Variants in JOSD1 observed in about 807,000 individuals in gnomAD.
JOSD1 encodes Josephin domain containing 1.
In JOSD1, 11 loss-of-function variants were observed where a neutral mutation model predicts 24.3. The observed-to-expected ratio is 0.45, with a 90% CI of 0.29 to 0.75. The LOEUF is 0.75. Ranked by LOEUF, JOSD1 falls within the 30% of genes least tolerant of loss-of-function variation. The pLI is 0.11. For synonymous variants in JOSD1, 106 were observed against 93.8 expected, an observed-to-expected ratio of 1.13 and a Z score of -0.75; for missense variants, 184 against 253.5, an observed-to-expected ratio of 0.73 and a Z score of 1.86.
At position 38,699,664 on chromosome 22, in the gene JOSD1, A is replaced by G. The variant is rs181904536; in HGVS notation, c.185+139T>C. ...GATAAATGGTAGTGATTATCTTTTC[A>G]TGTCTTGTGTCCCTTATACCTGCTA... is the stretch of plus-strand genomic sequence containing the variant. On this transcript the variant is annotated intron_variant, in intron 2 of 4. Transcript: ENST00000683374. The G allele has an allele frequency of 9.9e-4, 766 of 772,488 alleles. 4 individuals are homozygous for G. Among genetic ancestry groups the G allele is most frequent in the South Asian group, 8.0e-4 (48 of 59,652 alleles). 47.9% of individuals were successfully genotyped at this position (772,488 alleles called of 1,614,324 possible).
rs1275177167 is a variant in JOSD1 at position 38,687,437 on chromosome 22, C to A, written c.*465G>T. On this transcript the variant is annotated 3_prime_UTR_variant, in exon 5 of 5. Coordinates refer to ENST00000683374, the MANE Select transcript of JOSD1 (RefSeq NM_001360236.2). ...GTTTTGGACATGGTTTCCTGAGAGACCTTTATGCTCTGGGTCCTTCAAACC... is the reference window on the plus strand; with the variant it reads ...GTTTTGGACATGGTTTCCTGAGAGAACTTTATGCTCTGGGTCCTTCAAACC... 1 of 160,258 alleles carries A rather than the reference C, an allele frequency of 6.2e-6. No individual in the cohort carries two copies. Among genetic ancestry groups the A allele is most frequent in the African/African-American group, 2.4e-5 (1 of 41,604 alleles). 9.9% of individuals were successfully genotyped at this position (160,258 alleles called of 1,614,324 possible). A position where few individuals can be genotyped will look rare whatever the true frequency, so the allele number is the denominator to read the frequency against.
chr22:38,699,595 A>G (rs1603147384), intron 2 of JOSD1, among the ~76,000 whole-genome samples: 1 of 152,200 alleles, frequency 6.6e-6, no homozygotes, highest in Non-Finnish European at 1.5e-5. Flanking sequence ...TCAAGAAAAC[A>G]CAGCTGAGGC....
chr22:38,687,763 C>A lies in JOSD1; in HGVS notation c.*139G>T, dbSNP rs2092504112. The stretch of plus-strand genomic sequence containing the variant: ...TTCTTATAACAGTCCACACGTCTGT[C>A]CTATTGCACTGTCAGATCTGAAGGG... On this transcript the variant is annotated 3_prime_UTR_variant, in exon 5 of 5. Coordinates refer to ENST00000683374, the MANE Select transcript of JOSD1 (RefSeq NM_001360236.2). 1.6e-6 allele frequency: 1 copy of A among 642,686 alleles called. No homozygotes were observed. The highest frequency in any genetic ancestry group is 2.8e-6 in the Non-Finnish European group (1 of 354,110). The allele number at this position is 642,686 out of a possible 1,614,324, so 39.8% of individuals were successfully genotyped here. A position where few individuals can be genotyped will look rare whatever the true frequency, so the allele number is the denominator to read the frequency against.
At chr22:38,696,238 C>G (rs1384260073) in intron 2 of JOSD1, among the ~76,000 whole-genome samples, 1 of 151,410 alleles carries the variant, frequency 6.6e-6, no homozygotes, top group African/African-American at 2.4e-5. Context: ...CCTTATACCC[C>G]CCCTTTTTTT....
intron 2 of JOSD1, 137 bp downstream of exon 2, chr22:38,699,666 G>T: frequency 1.3e-6 from 1 of 785,070 alleles, no homozygotes. Context: ...ATCTTTTCAT[G>T]TCTTGTGTCC....
At chr22:38,697,063 C>G (rs1230249069) in intron 2 of JOSD1, among the ~76,000 whole-genome samples, 1 of 152,254 alleles carries the variant, frequency 6.6e-6, no homozygotes, top group Non-Finnish European at 1.5e-5. Flanking sequence ...AATCTAGTCT[C>G]AAGGCCTGGT....
In JOSD1 at chr22:38,700,810, GTC is replaced by G; in HGVS notation, c.-644_-643del. On this transcript the variant is annotated 5_prime_UTR_variant, in exon 1 of 5. Coordinates refer to ENST00000683374, the MANE Select transcript of JOSD1 (RefSeq NM_001360236.2). ...AGCCCCTACACAAACCTCCCCGCCC[GTC>G]ACGTGAGCGCAGGCCCAGACGCCCT... 1 of 984,996 alleles carries G rather than the reference GTC, an allele frequency of 1.0e-6. No individual in the cohort carries two copies. The highest frequency in any genetic ancestry group is 4.7e-5 in the South Asian group (1 of 21,298). 61.0% of individuals were successfully genotyped at this position (984,996 alleles called of 1,614,324 possible).
At position 38,700,851 on chromosome 22, in the gene JOSD1, C is replaced by T. The variant is rs923097244; in HGVS notation, c.-683G>A. The T allele has an allele frequency of 6.1e-6, 6 of 984,740 alleles. No individual in the cohort carries two copies. The highest frequency in any genetic ancestry group is 6.0e-6 in the Non-Finnish European group (5 of 829,742). 61.0% of individuals were successfully genotyped at this position (984,740 alleles called of 1,614,324 possible). On this transcript the variant is annotated 5_prime_UTR_variant, in exon 1 of 5. Transcript: ENST00000683374. Reference sequence around the variant, plus strand: ...CCCAGACGCCCTCCCGCCGCGCCCCCGGCCGCAGACCCCAGGGCCGCCGGG... The same window carrying T: ...CCCAGACGCCCTCCCGCCGCGCCCCTGGCCGCAGACCCCAGGGCCGCCGGG...
intron 2 of JOSD1, 36 bp from the exon 3 acceptor site, chr22:38,689,460 G>C: frequency 6.2e-7 from 1 of 1,612,138 alleles, no homozygotes; most frequent in Non-Finnish European, 8.5e-7. Flanking sequence ...GAGACTTGCT[G>C]GATGCCTGAA....
intron 2 of JOSD1, among the ~76,000 whole-genome samples, chr22:38,697,978 T>C (rs2092552510): frequency 6.6e-6 from 1 of 152,238 alleles, no homozygotes; most frequent in African/African-American, 2.4e-5. Flanking sequence ...GCAAATCGCC[T>C]AAAATGAATC....
rs184164128 is a variant in JOSD1 at position 38,686,952 on chromosome 22, T to A, written c.*950A>T. On this transcript the variant is annotated 3_prime_UTR_variant, in exon 5 of 5. Transcript: ENST00000683374. The stretch of plus-strand genomic sequence containing the variant: ...TGAAGAAACCAAGCCACCCCATGGC[T>A]GTCCCAGGTTGGCTTTAGCCACATC... The A allele has an allele frequency of 6.6e-6, 1 of 152,382 alleles. No individual in the cohort carries two copies. Among genetic ancestry groups the A allele is most frequent in the East Asian group, 1.9e-4 (1 of 5,194 alleles). The allele number at this position is 152,382 out of a possible 1,614,324, so 9.4% of individuals were successfully genotyped here.
At chr22:38,692,647 G>C (rs6001198) in intron 2 of JOSD1, among the ~76,000 whole-genome samples, 3,483 of 151,842 alleles carry the variant, frequency 0.023, 126 homozygotes, top group African/African-American at 0.08. Flanking sequence ...CAGGTGTGGT[G>C]GCAGGTGCCT....
intron 2 of JOSD1, among the ~76,000 whole-genome samples, chr22:38,693,635 A>G (rs1489790007): frequency 6.6e-6 from 1 of 152,144 alleles, no homozygotes; most frequent in African/African-American, 2.4e-5. Context: ...GCTGGATTAC[A>G]GTGGTATGAT....
chr22:38,692,100 T>A (rs557565129), intron 2 of JOSD1, among the ~76,000 whole-genome samples: 1 of 152,364 alleles, frequency 6.6e-6, no homozygotes, highest in African/African-American at 2.4e-5. Flanking sequence ...AAACTTTATC[T>A]TACCTGTAAT....
upstream of JOSD1, chr22:38,701,283 G>A (rs999395793): frequency 6.6e-6 from 1 of 152,346 alleles, no homozygotes; most frequent in Non-Finnish European, 1.5e-5. Flanking sequence ...CCTTCTCCCG[G>A]GCGTGGGCGT....
intron 2 of JOSD1, among the ~76,000 whole-genome samples, chr22:38,697,696 T>C (rs1470159408): frequency 2.0e-5 from 3 of 152,260 alleles, no homozygotes; most frequent in African/African-American, 7.2e-5. Flanking sequence ...CTGCCATCAA[T>C]AGCTGTGAAC....
chr22:38,696,753 G>A (rs1026217537), intron 2 of JOSD1, among the ~76,000 whole-genome samples: 6 of 152,084 alleles, frequency 3.9e-5, no homozygotes, highest in African/African-American at 1.2e-4. Flanking sequence ...CCTTGTTGCC[G>A]CCATGTTGAG....
chr22:38,691,669 TTTTC>T (rs1331620794), intron 2 of JOSD1, among the ~76,000 whole-genome samples: 2 of 152,182 alleles, frequency 1.3e-5, no homozygotes, highest in East Asian at 3.9e-4. Context: ...TAGAGAGGCC[TTTTC>T]TTTTTCTTTT....
At position 38,689,379 on chromosome 22, in the gene JOSD1, C is replaced by T. The variant is rs146203558; in HGVS notation, c.231G>A (p.Leu77=). Residue 77 remains leucine, a synonymous_variant, in exon 3 of 5, where the codon CTG becomes CTA. Coordinates refer to ENST00000683374, the MANE Select transcript of JOSD1 (RefSeq NM_001360236.2). The part of the protein sequence containing the change: ...TMVTPHKKSM[L]GNGNYDVNVI... ...CATTCACATCGTAGTTGCCATTTCC[C>T]AGCATGCTCTTCTTGTGAGGTGTCA... is the stretch of plus-strand genomic sequence containing the variant. 574 of 1,614,220 alleles carry T rather than the reference C, an allele frequency of 3.6e-4. 1 individual carries two copies. Among genetic ancestry groups the T allele is most frequent in the Middle Eastern group, 2.3e-3 (14 of 6,062 alleles).
Sources: allele counts gnomAD v4.1 joint callset (sites outside exome capture counted in the v4.1 genomes callset), GRCh38; gene constraint gnomAD v4.1.1; transcripts MANE v1.5; gene names NCBI Gene and HGNC (gene_info 2026-07-23, HGNC 2026-07-21).